Variants in USH2A observed in about 807,000 individuals in gnomAD.
USH2A encodes the protein usherin.
USH2A carries 443 observed loss-of-function variants against 538.9 expected under a neutral mutation model. That is an observed-to-expected ratio of 0.82 (90% confidence interval 0.76 to 0.89). The LOEUF is 0.89. Ranked by LOEUF, USH2A falls within the 40% of genes least tolerant of loss-of-function variation. The pLI is 0.00. For missense variants in USH2A, 6,633 were observed against 6,324.8 expected, an observed-to-expected ratio of 1.05 and a Z score of -1.65; for synonymous variants, 2,413 against 2,273.5, an observed-to-expected ratio of 1.06 and a Z score of -1.75.
intron 35 of USH2A, among the ~76,000 whole-genome samples, chr1:215,981,576 C>G (rs6540924): frequency 6.6e-6 from 1 of 151,960 alleles, no homozygotes; most frequent in Admixed American, 6.6e-5. Flanking sequence ...ACAGCTAGTT[C>G]AGGGTCCTCT....
intron 49 of USH2A, among the ~76,000 whole-genome samples, chr1:215,804,426 A>G (rs1662433163): frequency 6.6e-6 from 1 of 152,112 alleles, no homozygotes; most frequent in Non-Finnish European, 1.5e-5. Context: ...ATGAACTCAA[A>G]CAAATTTACA....
At chr1:215,712,897 C>T (rs1022279452) in intron 61 of USH2A, among the ~76,000 whole-genome samples, 1 of 151,444 alleles carries the variant, frequency 6.6e-6, no homozygotes, top group Non-Finnish European at 1.5e-5. Context: ...CCTCCACCTC[C>T]TGGGTTCAAG....
chr1:216,153,409 C>T (rs1211543960), intron 21 of USH2A, among the ~76,000 whole-genome samples: 1 of 152,114 alleles, frequency 6.6e-6, no homozygotes, highest in Non-Finnish European at 1.5e-5. Context: ...AGTTTGAGTG[C>T]AAGGCGGTCA....
intron 61 of USH2A, among the ~76,000 whole-genome samples, chr1:215,681,312 T>C (rs1212928581): frequency 7.3e-6 from 1 of 137,312 alleles, no homozygotes; most frequent in Non-Finnish European, 1.6e-5. Context: ...AATGTGTTCA[T>C]AGGTAAACAC....
chr1:215,651,149 T>G (rs908739601), intron 64 of USH2A, among the ~76,000 whole-genome samples: 2 of 152,162 alleles, frequency 1.3e-5, no homozygotes, highest in Non-Finnish European at 2.9e-5. Context: ...TGGATGGATC[T>G]GCAGACTACA....
At chr1:216,333,732 C>T (rs1229842274) in intron 4 of USH2A, among the ~76,000 whole-genome samples, 2 of 152,016 alleles carry the variant, frequency 1.3e-5, no homozygotes, top group East Asian at 1.9e-4. Flanking sequence ...AGGCCATCTC[C>T]TACATGGGAT....
chr1:216,153,705 A>G lies in USH2A; in HGVS notation c.4627+21547T>C, dbSNP rs367910050. Among the ~76,000 whole-genome samples the G allele has an allele frequency of 1.1e-4, 16 of 152,318 alleles. No homozygotes were observed. The East Asian group carries it at 1.9e-3, about 18-fold the overall frequency. ...CCACAAAACAGAGATAATGCTGCAT[A>G]TTAGATATAAGGGGAAAAAAACCCT... On this transcript the variant is annotated intron_variant, in intron 21 of 71. Coordinates refer to ENST00000307340, the MANE Select transcript of USH2A (RefSeq NM_206933.4).
intron 49 of USH2A, among the ~76,000 whole-genome samples, chr1:215,811,707 G>A (rs981733010): frequency 6.6e-6 from 1 of 151,988 alleles, no homozygotes; most frequent in Non-Finnish European, 1.5e-5. Flanking sequence ...GGGAGTTCGA[G>A]ACCACCCTGA....
intron 3 of USH2A, among the ~76,000 whole-genome samples, chr1:216,392,330 C>G (rs146315472): frequency 4.0e-5 from 6 of 151,776 alleles, no homozygotes; most frequent in Non-Finnish European, 8.8e-5. Flanking sequence ...AACCCTGTCT[C>G]TACTAAAAAT....
At chr1:216,304,209 C>T (rs1356851932) in intron 9 of USH2A, among the ~76,000 whole-genome samples, 1 of 151,972 alleles carries the variant, frequency 6.6e-6, no homozygotes, top group Non-Finnish European at 1.5e-5. Flanking sequence ...AGTAAGTAGT[C>T]CTGTTTTCCA....
intron 4 of USH2A, among the ~76,000 whole-genome samples, chr1:216,345,809 C>T (rs1571724273): frequency 6.6e-6 from 1 of 152,048 alleles, no homozygotes; most frequent in Non-Finnish European, 1.5e-5. Flanking sequence ...GACCACATGG[C>T]GGTACTTTCT....
At chr1:215,912,463 A>ACG (rs1665814647) in intron 38 of USH2A, among the ~76,000 whole-genome samples, 1 of 19,080 alleles carries the variant, frequency 5.2e-5, no homozygotes, top group African/African-American at 1.5e-4. Context: ...GTATATATAT[A>ACG]TATATATATA....
intron 20 of USH2A, among the ~76,000 whole-genome samples, chr1:216,188,475 C>T (rs2034651368): frequency 6.6e-6 from 1 of 151,184 alleles, no homozygotes; most frequent in Admixed American, 6.6e-5. Context: ...TGATATGCAG[C>T]CTAAAGGAGA....
intron 34 of USH2A, among the ~76,000 whole-genome samples, chr1:215,996,351 G>T (rs576095832): frequency 5.9e-4 from 90 of 152,246 alleles, no homozygotes; most frequent in Non-Finnish European, 9.3e-4. Flanking sequence ...GCCACTTCCA[G>T]GAATCTTTCA....
At chr1:215,758,825 G>C (rs917716463) in intron 57 of USH2A, 73 bp from the exon 58 acceptor site, 59 of 1,512,834 alleles carry the variant, frequency 3.9e-5, no homozygotes, top group Non-Finnish European at 5.3e-5. Flanking sequence ...ACTAGTTTTT[G>C]TATCAATTGC....
intron 58 of USH2A, among the ~76,000 whole-genome samples, chr1:215,756,725 A>G (rs946179840): frequency 2.0e-5 from 3 of 152,112 alleles, no homozygotes; most frequent in African/African-American, 7.2e-5. Context: ...GGAGTTCGAG[A>G]CGAGCCTGGC....
At chr1:216,097,267 C>A (rs981930664) in intron 21 of USH2A, 54 bp from the exon 22 acceptor site, 16 of 1,613,252 alleles carry the variant, frequency 9.9e-6, no homozygotes, top group Non-Finnish European at 1.4e-5. Flanking sequence ...TTGATTCTTT[C>A]TGATAAATGT....
chr1:215,803,095 A>C (rs992841495), intron 49 of USH2A, among the ~76,000 whole-genome samples: 2 of 152,188 alleles, frequency 1.3e-5, no homozygotes, highest in African/African-American at 4.8e-5. Flanking sequence ...CTTCATGCTA[A>C]AAACTCTCAA....
chr1:216,258,433 TCA>T, intron 11 of USH2A, among the ~76,000 whole-genome samples: 1 of 152,196 alleles, frequency 6.6e-6, no homozygotes, highest in South Asian at 2.1e-4. Flanking sequence ...TTCTGCAGCC[TCA>T]TACATGCAGT....
Sources: gnomAD v4.1 joint callset for allele counts (sites outside exome capture counted in the v4.1 genomes callset) on GRCh38, gnomAD v4.1.1 for gene constraint, MANE v1.5 for transcripts, NCBI Gene and HGNC (gene_info 2026-07-23, HGNC 2026-07-21) for gene names.